PAN3: variants seen among roughly 807,000 people sequenced by gnomAD.
PAN3 encodes the protein poly(A) specific ribonuclease subunit PAN3.
PAN3 carries 19 observed loss-of-function variants against 96.2 expected under a neutral mutation model. That is an observed-to-expected ratio of 0.20 (90% CI 0.14 to 0.29). The LOEUF (loss-of-function observed/expected upper bound fraction) is 0.29, where lower values mean the gene tolerates loss of function less well. Among genes scored for constraint, PAN3 ranks in the 10% least tolerant of loss-of-function variants. The pLI, the probability that PAN3 is intolerant of heterozygous loss-of-function variation, is 1.00. For missense variants in PAN3, 882 were observed against 1,108.1 expected, an observed-to-expected ratio of 0.80 and a Z score of 2.90; for synonymous variants, 433 against 406.6, an observed-to-expected ratio of 1.06 and a Z score of -0.78.
At chr13:28,199,665 A>G (rs1216217395) in intron 5 of PAN3, among the ~76,000 whole-genome samples, 1 of 152,166 alleles carries the variant, frequency 6.6e-6, no homozygotes, top group East Asian at 1.9e-4. Flanking sequence ...TAGTATGTCA[A>G]TATATATTTT....
intron 1 of PAN3, among the ~76,000 whole-genome samples, chr13:28,139,551 T>TGTGTGTGTGTGTGTGG (rs60579592): frequency 2.3e-5 from 2 of 87,000 alleles, no homozygotes; most frequent in African/African-American, 8.4e-5. Context: ...TGTGTGTGTG[T>TGTGTGTGTGTGTGTGG]AGGGGGCGGG....
intron 6 of PAN3, among the ~76,000 whole-genome samples, chr13:28,224,221 G>T (rs1881749352): frequency 6.6e-6 from 1 of 152,152 alleles, no homozygotes; most frequent in African/African-American, 2.4e-5. Flanking sequence ...TTTTTCATCA[G>T]AATTTTCCCG....
At chr13:28,222,063 C>G (rs929812123) in intron 6 of PAN3, among the ~76,000 whole-genome samples, 1 of 152,130 alleles carries the variant, frequency 6.6e-6, no homozygotes, top group Non-Finnish European at 1.5e-5. Context: ...TACTTCCTTC[C>G]TCGTATCAGA....
At chr13:28,149,697 CCTTGA>C (rs1420225484) in intron 1 of PAN3, among the ~76,000 whole-genome samples, 3 of 152,126 alleles carry the variant, frequency 2.0e-5, no homozygotes, top group African/African-American at 7.2e-5. Context: ...CTGCATGCAC[CCTTGA>C]ACTCCTGGGC....
At position 28,256,455 on chromosome 13, in the gene PAN3, T is replaced by G; in HGVS notation, c.1164T>G (p.Ser388=). The change falls in exon 7 of 19, where the codon TCT becomes TCG. Residue 388 remains serine (S), a synonymous_variant. Transcript: ENST00000380958. ...SVNNPVSQTP[S]SGQVIQKETV... is the part of the protein sequence containing the mutation. The stretch of plus-strand genomic sequence containing the variant: ...ATAATCCTGTTTCTCAGACTCCGTC[T>G]TCTGGTCAGGTGATCCAAAAGGAAA... 3 of 1,614,044 alleles carry G rather than the reference T, an allele frequency of 1.9e-6. No homozygotes were observed. The highest frequency in any genetic ancestry group is 2.5e-6 in the Non-Finnish European group (3 of 1,179,926).
chr13:28,141,233 G>C (rs1869761661), intron 1 of PAN3, among the ~76,000 whole-genome samples: 1 of 151,774 alleles, frequency 6.6e-6, no homozygotes, highest in Admixed American at 6.6e-5. Flanking sequence ...TCGAACTCCT[G>C]ACCTCAGGTG....
intron 1 of PAN3, among the ~76,000 whole-genome samples, chr13:28,148,040 C>T (rs944251283): frequency 4.0e-5 from 6 of 151,874 alleles, no homozygotes; most frequent in Admixed American, 6.6e-5. Flanking sequence ...TTTGCAGTCT[C>T]GACTTGCTGG....
chr13:28,159,075 T>C (rs529941053), intron 1 of PAN3, among the ~76,000 whole-genome samples: 57 of 152,336 alleles, frequency 3.7e-4, no homozygotes, highest in African/African-American at 1.3e-3. Flanking sequence ...AACTTAGAAT[T>C]ACCATTTGAC....
rs139909176 is a variant in PAN3 at position 28,223,970 on chromosome 13, G to A, written c.1000+3592G>A. On this transcript the variant is annotated intron_variant, in intron 6 of 18. Coordinates refer to ENST00000380958, the MANE Select transcript of PAN3 (RefSeq NM_175854.8). ...TCCAAGCTCGGCCTGCCAGGTTCAC[G>A]CCATTCTCCTGCCTCAGCCTCGCGA... Among the ~76,000 whole-genome samples, 1,008 of 133,258 alleles carry A rather than the reference G, an allele frequency of 7.6e-3. 10 individuals carry two copies. Among genetic ancestry groups the A allele is most frequent in the African/African-American group, 0.028 (972 of 34,748 alleles). The allele number at this position is 133,258 out of a possible 152,430, so 87.4% of individuals were successfully genotyped here.
intron 4 of PAN3, among the ~76,000 whole-genome samples, chr13:28,185,989 C>T (rs1186722176): frequency 6.6e-6 from 1 of 152,194 alleles, no homozygotes; most frequent in Non-Finnish European, 1.5e-5. Flanking sequence ...TTAAAATTCT[C>T]ATCCACAAAC....
intron 5 of PAN3, among the ~76,000 whole-genome samples, chr13:28,201,282 T>G (rs1404680903): frequency 6.6e-6 from 1 of 151,680 alleles, no homozygotes; most frequent in Non-Finnish European, 1.5e-5. Flanking sequence ...GGGCTCAAGC[T>G]ATCCTCCTGC....
chr13:28,151,025 A>T (rs1038721749), intron 1 of PAN3, among the ~76,000 whole-genome samples: 1 of 152,186 alleles, frequency 6.6e-6, no homozygotes, highest in Admixed American at 6.5e-5. Flanking sequence ...TGAAATAGGG[A>T]TATCAAGGTA....
intron 1 of PAN3, among the ~76,000 whole-genome samples, chr13:28,144,080 T>C (rs1445396583): frequency 6.6e-6 from 1 of 152,064 alleles, no homozygotes; most frequent in Non-Finnish European, 1.5e-5. Flanking sequence ...GCTTCCAAGG[T>C]GGTAAGCTCT....
intron 1 of PAN3, among the ~76,000 whole-genome samples, chr13:28,152,588 AAAAC>A (rs1871503418): frequency 6.6e-6 from 1 of 152,288 alleles, no homozygotes; most frequent in Non-Finnish European, 1.5e-5. Context: ...CCATGAAAAA[AAAAC>A]CAAAAAACAA....
chr13:28,194,415 TAC>T (rs1877715681), intron 4 of PAN3, among the ~76,000 whole-genome samples: 3 of 148,444 alleles, frequency 2.0e-5, no homozygotes, highest in Admixed American at 6.8e-5. Flanking sequence ...TGTATATATA[TAC>T]GTGTGTGTGT....
chr13:28,172,848 G>C (rs1184023886), intron 1 of PAN3, among the ~76,000 whole-genome samples: 1 of 152,196 alleles, frequency 6.6e-6, no homozygotes, highest in Non-Finnish European at 1.5e-5. Flanking sequence ...CTTGAGGGCA[G>C]GAGTTCGAGA....
chr13:28,144,719 T>C (rs9513047), intron 1 of PAN3, among the ~76,000 whole-genome samples: 435 of 2,400 alleles, frequency 0.18, 64 homozygotes, highest in East Asian at 0.35. Context: ...AAACATCATC[T>C]TTTTTTTTTT....
At chr13:28,200,893 G>A (rs1412339345) in intron 5 of PAN3, among the ~76,000 whole-genome samples, 1 of 152,164 alleles carries the variant, frequency 6.6e-6, no homozygotes, top group South Asian at 2.1e-4. Context: ...CTCCTTAAAT[G>A]TCTGCAAACT....
chr13:28,258,850 A>G (rs9551454), intron 7 of PAN3, among the ~76,000 whole-genome samples: 20,603 of 152,212 alleles, frequency 0.14, 1,640 homozygotes, highest in East Asian at 0.33. Context: ...ATCCTCCTGT[A>G]TACTTTAAAT....
Sources: allele counts gnomAD v4.1 joint callset (sites outside exome capture counted in the v4.1 genomes callset), GRCh38; gene constraint gnomAD v4.1.1; transcripts MANE v1.5; gene names NCBI Gene and HGNC (gene_info 2026-07-23, HGNC 2026-07-21).